PDE8A: variants seen among roughly 807,000 people sequenced by gnomAD.
The protein encoded by PDE8A is phosphodiesterase 8A, also known as high affinity cAMP-specific and IBMX-insensitive 3',5'-cyclic phosphodiesterase 8A.
Under a neutral mutation model 105.0 loss-of-function variants are expected in PDE8A, and 59 were observed. The observed-to-expected ratio is 0.56, with a 90% CI of 0.46 to 0.70. The LOEUF (loss-of-function observed/expected upper bound fraction) is 0.70. PDE8A is among the 30% of genes least tolerant of loss of function. The probability of loss-of-function intolerance (pLI) is 0.00; values close to 1 mark genes in which losing one functional copy is unlikely to be tolerated. For missense variants in PDE8A, 1,014 were observed against 1,045.9 expected, an observed-to-expected ratio of 0.97 and a Z score of 0.42; for synonymous variants, 355 against 371.9, an observed-to-expected ratio of 0.95 and a Z score of 0.52.
At chr15:85,126,076 G>C in intron 19 of PDE8A, 131 bp from the exon 20 acceptor site, 1 of 552,254 alleles carries the variant, frequency 1.8e-6, no homozygotes, top group Non-Finnish European at 3.0e-6. Flanking sequence ...AGTATCCTTG[G>C]CACTGTTTTG....
rs570498293 is a variant in PDE8A at position 85,014,762 on chromosome 15, A to G, written c.186+32414A>G. On this transcript the variant is annotated intron_variant, in intron 1 of 21. Transcript: ENST00000394553. ...ATAGTTGTCTATGGAGGAATTGTTC[A>G]TTCTTAAAAAAATTGAAATATAATT... is the stretch of plus-strand genomic sequence containing the variant. Among the ~76,000 whole-genome samples, 16 of 152,294 alleles carry G rather than the reference A, an allele frequency of 1.1e-4. No homozygotes were observed. The East Asian group carries it at 2.1e-3, about 20-fold the overall frequency.
Position 85,011,956 on chromosome 15 carries a change from A to G in PDE8A, c.186+29608A>G, listed in dbSNP as rs563010300. ...AAAAACACATGAAAAAATGCTCACC[A>G]TCACTGGCCATCAGAGAAATGCAAA... On this transcript the variant is annotated intron_variant, in intron 1 of 21. Transcript: ENST00000394553. 1.0e-3 allele frequency among the ~76,000 whole-genome samples: 159 copies of G among 152,380 alleles called. 2 individuals carry two copies. Among genetic ancestry groups the G allele is most frequent in the African/African-American group, 3.7e-3 (153 of 41,594 alleles).
At chr15:85,017,209 C>G (rs1215832475) in intron 1 of PDE8A, among the ~76,000 whole-genome samples, 1 of 150,824 alleles carries the variant, frequency 6.6e-6, no homozygotes, top group Non-Finnish European at 1.5e-5. Flanking sequence ...TGCAGTGAGC[C>G]GAGATTGCGC....
chr15:85,114,866 G>A (rs555955945), intron 14 of PDE8A, among the ~76,000 whole-genome samples: 2 of 152,250 alleles, frequency 1.3e-5, no homozygotes, highest in African/African-American at 4.8e-5. Context: ...CTGGAGGCGA[G>A]CAGATGAGAA....
chr15:85,098,681 A>G (rs1194512322), intron 9 of PDE8A, among the ~76,000 whole-genome samples: 5 of 152,168 alleles, frequency 3.3e-5, no homozygotes, highest in African/African-American at 1.2e-4. Context: ...TGATCATAGA[A>G]AATTAAATTA....
intron 12 of PDE8A, 94 bp from the exon 13 acceptor site, chr15:85,113,283 C>T: frequency 9.8e-7 from 1 of 1,024,262 alleles, no homozygotes. Flanking sequence ...TATCCTGCCC[C>T]TTCATCATGC....
rs550427255 is a variant in PDE8A, at chr15:84,994,116, A to G, written c.186+11768A>G. Reference sequence around the variant, plus strand: ...TCTTCTGGGAGGATTTTTTAGCTCAATATTTTAAGTCACGAATTCATTCCT... The same window carrying G: ...TCTTCTGGGAGGATTTTTTAGCTCAGTATTTTAAGTCACGAATTCATTCCT... On this transcript the variant is annotated intron_variant, in intron 1 of 21. Coordinates refer to ENST00000394553, the MANE Select transcript of PDE8A (RefSeq NM_002605.3). Among the ~76,000 whole-genome samples the G allele has an allele frequency of 3.9e-5, 6 of 152,188 alleles. No individual in the cohort carries two copies. In the East Asian group the frequency reaches 5.8e-4, roughly 15 times the overall value.
Position 85,041,701 on chromosome 15 carries a change from A to T in PDE8A, c.187-22669A>T, listed in dbSNP as rs576211355. 3.3e-5 allele frequency among the ~76,000 whole-genome samples: 5 copies of T among 152,328 alleles called. No homozygotes were observed. The South Asian group carries it at 6.2e-4, about 19-fold the overall frequency. On this transcript the variant is annotated intron_variant, in intron 1 of 21. Coordinates refer to ENST00000394553, the MANE Select transcript of PDE8A (RefSeq NM_002605.3). Reference sequence around the variant, plus strand: ...ACCCTTAGGAAGATGCACCCCTAGGAAGAGACGGTCTCCCTTACAAGAGGT... The same window carrying T: ...ACCCTTAGGAAGATGCACCCCTAGGTAGAGACGGTCTCCCTTACAAGAGGT...
Position 85,075,846 on chromosome 15 carries a change from T to C in PDE8A, c.435-16T>C, listed in dbSNP as rs748941186. 1.4e-5 allele frequency: 20 copies of C among 1,392,726 alleles called. No homozygotes were observed. In the East Asian group the frequency reaches 1.9e-4, roughly 13 times the overall value. The allele number at this position is 1,392,726 out of a possible 1,614,324, so 86.3% of individuals were successfully genotyped here. ...TTATTTTTATATTTATTTTAAAGTT[T>C]TGTGTTTTTTTTAAGGTCTATCAGA... On this transcript the variant is annotated splice_polypyrimidine_tract_variant and intron_variant, in intron 3 of 21. Transcript: ENST00000394553.
intron 17 of PDE8A, among the ~76,000 whole-genome samples, chr15:85,119,339 C>T (rs765500001): frequency 6.6e-6 from 1 of 151,572 alleles, no homozygotes; most frequent in Non-Finnish European, 1.5e-5. Flanking sequence ...CATGGTGGTG[C>T]AGGCCTATAA....
intron 16 of PDE8A, among the ~76,000 whole-genome samples, chr15:85,116,560 G>A (rs944379890): frequency 7.2e-5 from 11 of 152,220 alleles, no homozygotes; most frequent in African/African-American, 2.7e-4. Flanking sequence ...CCTCATCTGG[G>A]TGTGATCACA....
At chr15:85,038,955 C>G (rs1406133164) in intron 1 of PDE8A, among the ~76,000 whole-genome samples, 1 of 152,074 alleles carries the variant, frequency 6.6e-6, no homozygotes, top group East Asian at 1.9e-4. Context: ...AACCCCGTCT[C>G]TACTAAAGAT....
rs141090312 is a variant in PDE8A, at chr15:84,990,892, T to G, written c.186+8544T>G. ...AGTTGCTCTACATCCTTCCCATCATTTGGTGTTAATCAGTATTTTAATTTT... is the reference window on the plus strand; with the variant it reads ...AGTTGCTCTACATCCTTCCCATCATGTGGTGTTAATCAGTATTTTAATTTT... On this transcript the variant is annotated intron_variant, in intron 1 of 21. Transcript: ENST00000394553. Among the ~76,000 whole-genome samples the G allele has an allele frequency of 3.3e-3, 500 of 152,306 alleles. 3 individuals are homozygous for G. Among genetic ancestry groups the G allele is most frequent in the Middle Eastern group, 0.01 (3 of 294 alleles).
intron 5 of PDE8A, among the ~76,000 whole-genome samples, chr15:85,082,552 C>A (rs2081483890): frequency 6.6e-6 from 1 of 152,042 alleles, no homozygotes; most frequent in African/African-American, 2.4e-5. Flanking sequence ...CCAGACAAGA[C>A]CCTGATCACA....
chr15:84,980,740 G>C (rs773562396), upstream of PDE8A: 2 of 152,260 alleles, frequency 1.3e-5, no homozygotes, highest in Non-Finnish European at 2.9e-5. Context: ...GCGTGTCCGG[G>C]GTCCTCATGG....
chr15:85,098,235 A>G (rs955011107), intron 9 of PDE8A, among the ~76,000 whole-genome samples, 199 bp downstream of exon 9: 2 of 152,236 alleles, frequency 1.3e-5, no homozygotes, highest in Non-Finnish European at 2.9e-5. Flanking sequence ...CCCAGAGCCA[A>G]CATACTCTGG....
intron 1 of PDE8A, among the ~76,000 whole-genome samples, chr15:85,051,681 A>G (rs1316586025): frequency 2.6e-5 from 4 of 151,980 alleles, no homozygotes; most frequent in Non-Finnish European, 5.9e-5. Context: ...ATGTGTTCTC[A>G]TCATTCAGCT....
chr15:85,022,963 A>G (rs1205877517), intron 1 of PDE8A, among the ~76,000 whole-genome samples: 1 of 152,202 alleles, frequency 6.6e-6, no homozygotes, highest in African/African-American at 2.4e-5. Flanking sequence ...GAGATTAACG[A>G]TCAAGACAGA....
At chr15:85,111,501 C>A (rs77068835) in intron 12 of PDE8A, among the ~76,000 whole-genome samples, 13 of 152,292 alleles carry the variant, frequency 8.5e-5, no homozygotes, top group Non-Finnish European at 1.8e-4. Flanking sequence ...TATTATAAAT[C>A]AGCTTACTAC....
Sources: gnomAD v4.1 joint callset for allele counts (sites outside exome capture counted in the v4.1 genomes callset) on GRCh38, gnomAD v4.1.1 for gene constraint, MANE v1.5 for transcripts, NCBI Gene and HGNC (gene_info 2026-07-23, HGNC 2026-07-21) for gene names.